ERICH1: variants seen among roughly 807,000 people sequenced by gnomAD.
ERICH1 encodes glutamate-rich protein 1.
Under a neutral mutation model 39.6 loss-of-function variants are expected in ERICH1, and 56 were observed. The observed-to-expected ratio is 1.41, with a 90% CI of 1.14 to 1.77. The LOEUF is 1.77. Among genes scored for constraint, ERICH1 ranks in the 40% most tolerant of loss-of-function variants. The probability of loss-of-function intolerance (pLI) is 0.00; values close to 1 mark genes in which losing one functional copy is unlikely to be tolerated. For missense variants in ERICH1, 826 were observed against 575.4 expected, an observed-to-expected ratio of 1.44 and a Z score of -4.45; for synonymous variants, 313 against 223.6, an observed-to-expected ratio of 1.40 and a Z score of -3.57.
intron 2 of ERICH1, among the ~76,000 whole-genome samples, chr8:710,495 G>A (rs183535675): frequency 6.1e-5 from 9 of 147,772 alleles, no homozygotes; most frequent in Non-Finnish European, 1.2e-4. Flanking sequence ...CCTCGGCATC[G>A]TACGGGGCGG....
At chr8:709,964 C>T (rs1245506903) in intron 2 of ERICH1, among the ~76,000 whole-genome samples, 1 of 152,000 alleles carries the variant, frequency 6.6e-6, no homozygotes, top group Non-Finnish European at 1.5e-5. Flanking sequence ...CTTAAAAATA[C>T]AATTTTAAAA....
intron 3 of ERICH1, among the ~76,000 whole-genome samples, chr8:658,815 G>A (rs571698031): frequency 1.3e-5 from 2 of 152,348 alleles, no homozygotes; most frequent in African/African-American, 2.4e-5. Context: ...GAGGATGCCA[G>A]GCTGTGGGCT....
chr8:671,488 C>T (rs1357758201), intron 4 of ERICH1, among the ~76,000 whole-genome samples: 1 of 144,766 alleles, frequency 6.9e-6, no homozygotes, highest in East Asian at 2.1e-4. Flanking sequence ...AACGTGCCAG[C>T]CCCGGTTCTA....
chr8:631,381 CAG>C (rs1798029026), intron 3 of ERICH1, among the ~76,000 whole-genome samples: 1 of 152,188 alleles, frequency 6.6e-6, no homozygotes, highest in African/African-American at 2.4e-5. Context: ...GGAGGCTACT[CAG>C]AGAGAGGTGT....
At chr8:625,431 C>G (rs978582458) in intron 3 of ERICH1, among the ~76,000 whole-genome samples, 1 of 152,104 alleles carries the variant, frequency 6.6e-6, no homozygotes, top group Non-Finnish European at 1.5e-5. Context: ...GACAAATCTA[C>G]AGAGACAGGA....
chr8:712,855 C>T (rs1159399112), intron 2 of ERICH1, among the ~76,000 whole-genome samples: 2 of 152,206 alleles, frequency 1.3e-5, no homozygotes, highest in Non-Finnish European at 2.9e-5. Context: ...ATTTTCATTA[C>T]CTGCTTTTTC....
At chr8:674,136 G>C (rs1804114298) in intron 3 of ERICH1, 89 bp from the exon 4 acceptor site, 1 of 1,392,842 alleles carries the variant, frequency 7.2e-7, no homozygotes, top group East Asian at 2.4e-5. Context: ...TCAGGATCTT[G>C]TAGTTTTAGT....
intron 2 of ERICH1, among the ~76,000 whole-genome samples, chr8:699,901 A>ACCCGCACAGGCGCACAGG (rs1563296162): frequency 4.1e-4 from 42 of 103,298 alleles, no homozygotes; most frequent in African/African-American, 1.4e-3. Context: ...ACGCGCACAG[A>ACCCGCACAGGCGCACAGG]CCCGCACAGG....
intron 3 of ERICH1, among the ~76,000 whole-genome samples, chr8:638,159 A>G (rs1798593226): frequency 6.6e-6 from 1 of 152,278 alleles, no homozygotes; most frequent in African/African-American, 2.4e-5. Flanking sequence ...AGCATCCTGC[A>G]GAAGCTCCTA....
At chr8:683,476 G>A (rs1346146304) in intron 3 of ERICH1, among the ~76,000 whole-genome samples, 1 of 152,190 alleles carries the variant, frequency 6.6e-6, no homozygotes, top group South Asian at 2.1e-4. Context: ...GACTTGAAGA[G>A]TTCCCTGTCA....
chr8:704,656 G>A (rs981557461), intron 2 of ERICH1, among the ~76,000 whole-genome samples: 2 of 152,028 alleles, frequency 1.3e-5, no homozygotes, highest in African/African-American at 4.8e-5. Context: ...GACGGGGGTT[G>A]TAAAAAATGT....
At chr8:654,419 G>A (rs1244203607) in intron 3 of ERICH1, among the ~76,000 whole-genome samples, 2 of 152,062 alleles carry the variant, frequency 1.3e-5, no homozygotes, top group Admixed American at 6.5e-5. Context: ...GGGCCTCCTC[G>A]AGGGGCTACG....
At position 700,276 on chromosome 8, in the gene ERICH1, C is replaced by G. The variant is rs1811668252; in HGVS notation, c.170-7664G>C. Among the ~76,000 whole-genome samples, 5 of 99,276 alleles carry G rather than the reference C, an allele frequency of 5.0e-5. 1 individual carries two copies. Among genetic ancestry groups the G allele is most frequent in the East Asian group, 2.5e-4 (1 of 3,956 alleles). 65.1% of individuals were successfully genotyped at this position (99,276 alleles called of 152,430 possible). A position where few individuals can be genotyped will look rare whatever the true frequency, so the allele number is the denominator to read the frequency against. ...ACACGCGCACAGGCCCGCACAGGCG[C>G]ACAGACCCGCACAGGCCCGGACACG... On this transcript the variant is annotated intron_variant, in intron 2 of 5. Coordinates refer to ENST00000262109, the MANE Select transcript of ERICH1 (RefSeq NM_207332.3).
At chr8:657,932 A>G (rs1160358053) in intron 3 of ERICH1, among the ~76,000 whole-genome samples, 1 of 152,128 alleles carries the variant, frequency 6.6e-6, no homozygotes, top group African/African-American at 2.4e-5. Flanking sequence ...AGGTGGTTTG[A>G]CTGGCTGGCG....
chr8:631,712 G>A (rs946662358), intron 3 of ERICH1, among the ~76,000 whole-genome samples: 8 of 152,214 alleles, frequency 5.3e-5, no homozygotes, highest in Non-Finnish European at 7.4e-5. Context: ...GGCACTGAGC[G>A]CTTCACACTG....
At chr8:678,953 C>G (rs970879426) in intron 3 of ERICH1, among the ~76,000 whole-genome samples, 20 of 152,208 alleles carry the variant, frequency 1.3e-4, no homozygotes, top group African/African-American at 4.8e-4. Flanking sequence ...TCTTATGATT[C>G]TGGCCCCTCA....
chr8:656,142 T>A (rs1245105297), intron 3 of ERICH1, among the ~76,000 whole-genome samples: 1 of 152,204 alleles, frequency 6.6e-6, no homozygotes, highest in Admixed American at 6.5e-5. Flanking sequence ...GCCTCGCTGC[T>A]GGCACGGTCC....
chr8:677,341 T>C (rs981429472), intron 3 of ERICH1, among the ~76,000 whole-genome samples: 2 of 152,214 alleles, frequency 1.3e-5, no homozygotes, highest in Admixed American at 6.5e-5. Context: ...TGCCGCTTTG[T>C]GGAAGAGAGT....
Position 668,686 on chromosome 8 carries a change from G to C in ERICH1, c.1170C>G (p.Tyr390Ter). ...GCAGGAGCAGCAGCGTTTTCATGTG[G>C]TACAGGATGGACACGTCTGAGGGCA... ...SMLPSDVSIL[Y>*]HMKTLLLLQD... Residue 390 changes from tyrosine to a stop codon, truncating the protein, a stop_gained, in exon 5 of 6, where the codon TAC becomes TAG. Coordinates refer to ENST00000262109, the MANE Select transcript of ERICH1 (RefSeq NM_207332.3). LOFTEE classifies it high-confidence loss of function. The C allele has an allele frequency of 6.2e-7, 1 of 1,614,138 alleles. No individual in the cohort carries two copies. The highest frequency in any genetic ancestry group is 8.5e-7 in the Non-Finnish European group (1 of 1,180,052).
Sources: allele counts gnomAD v4.1 joint callset (sites outside exome capture counted in the v4.1 genomes callset), GRCh38; gene constraint gnomAD v4.1.1; transcripts MANE v1.5; gene names NCBI Gene and HGNC (gene_info 2026-07-23, HGNC 2026-07-21).